MAPK4: variants seen among roughly 807,000 people sequenced by gnomAD.
MAPK4 encodes the protein Erk3-related.
Under a neutral mutation model 47.7 loss-of-function variants are expected in MAPK4, and 22 were observed. The observed-to-expected ratio is 0.46, with a 90% CI of 0.33 to 0.66. The LOEUF (loss-of-function observed/expected upper bound fraction) is 0.66. MAPK4 is among the 30% of genes least tolerant of loss of function. The pLI, the probability that MAPK4 is intolerant of heterozygous loss-of-function variation, is 0.02. For missense variants in MAPK4, 736 were observed against 831.7 expected (o/e 0.88, Z 1.42); for synonymous variants, 390 against 365.7 (o/e 1.07, Z -0.76).
chr18:50,704,829 A>G (rs1909967936), intron 2 of MAPK4: 2 of 398,608 alleles, frequency 5.0e-6, no homozygotes, highest in Non-Finnish European at 8.8e-6. Flanking sequence ...GAGCATCATG[A>G]TGACCAAATG....
chr18:50,708,579 A>C (rs1490095691), intron 2 of MAPK4, among the ~76,000 whole-genome samples: 1 of 152,160 alleles, frequency 6.6e-6, no homozygotes, highest in East Asian at 1.9e-4. Context: ...AGAGCACCCC[A>C]AAGTTTGAGA....
At chr18:50,626,352 A>G (rs2042778018) in intron 1 of MAPK4, among the ~76,000 whole-genome samples, 1 of 152,164 alleles carries the variant, frequency 6.6e-6, no homozygotes, top group African/African-American at 2.4e-5. Context: ...TGTGGACCAG[A>G]TGGTCAGAGC....
intron 1 of MAPK4, among the ~76,000 whole-genome samples, chr18:50,607,554 G>A (rs2149375495): frequency 6.6e-6 from 1 of 152,314 alleles, no homozygotes. Context: ...CTCCAGAAAA[G>A]CGCTGCTCTG....
chr18:50,579,885 G>A (rs1484324220), intron 1 of MAPK4, among the ~76,000 whole-genome samples: 1 of 152,170 alleles, frequency 6.6e-6, no homozygotes, highest in South Asian at 2.1e-4. Flanking sequence ...TGTTAGAAGG[G>A]GAGTGAGTTC....
intron 1 of MAPK4, among the ~76,000 whole-genome samples, chr18:50,620,674 G>A (rs1255557050): frequency 6.6e-6 from 1 of 152,132 alleles, no homozygotes; most frequent in East Asian, 1.9e-4. Context: ...GGAGGCCGAG[G>A]TGGGAGGATT....
chr18:50,725,256 T>C (rs1372553287), intron 4 of MAPK4, among the ~76,000 whole-genome samples: 1 of 152,212 alleles, frequency 6.6e-6, no homozygotes, highest in African/African-American at 2.4e-5. Context: ...ATCAAGGCTG[T>C]CTGCCTTTGT....
At chr18:50,675,781 C>T (rs1313976032) in intron 2 of MAPK4, among the ~76,000 whole-genome samples, 1 of 152,282 alleles carries the variant, frequency 6.6e-6, no homozygotes, top group African/African-American at 2.4e-5. Context: ...TGAGCCACCA[C>T]GCCCAGCCCA....
chr18:50,729,043 G>T (rs910861636), intron 5 of MAPK4, 115 bp from the exon 6 acceptor site: 1 of 877,350 alleles, frequency 1.1e-6, no homozygotes, highest in African/African-American at 1.7e-5. Context: ...CCACCTTGAG[G>T]GATGGGGGTC....
At chr18:50,648,281 C>T (rs151084656) in intron 1 of MAPK4, among the ~76,000 whole-genome samples, 8 of 152,060 alleles carry the variant, frequency 5.3e-5, no homozygotes, top group Non-Finnish European at 1.2e-4. Context: ...GGTGGACCTG[C>T]GTGTGTGGAG....
intron 1 of MAPK4, among the ~76,000 whole-genome samples, chr18:50,593,085 G>A (rs2042452138): frequency 6.6e-6 from 1 of 152,238 alleles, no homozygotes; most frequent in African/African-American, 2.4e-5. Context: ...CACACAGCTA[G>A]TAAGCGACAG....
At chr18:50,709,421 C>A (rs185048135) in intron 2 of MAPK4, among the ~76,000 whole-genome samples, 1 of 152,344 alleles carries the variant, frequency 6.6e-6, no homozygotes, top group African/African-American at 2.4e-5. Flanking sequence ...CCAGTGCCCA[C>A]CTGCTAGTAA....
intron 2 of MAPK4, among the ~76,000 whole-genome samples, chr18:50,683,102 T>C (rs1246965384): frequency 2.0e-5 from 3 of 151,928 alleles, no homozygotes; most frequent in Non-Finnish European, 4.4e-5. Flanking sequence ...GATGAATATT[T>C]TGAGGATGAT....
intron 2 of MAPK4, among the ~76,000 whole-genome samples, chr18:50,703,567 T>C (rs1909899165): frequency 6.6e-6 from 1 of 152,194 alleles, no homozygotes. Flanking sequence ...CAGAAGACAG[T>C]GGGCTTAACA....
intron 1 of MAPK4, among the ~76,000 whole-genome samples, chr18:50,587,255 A>T (rs2042396754): frequency 1.3e-5 from 2 of 152,192 alleles, no homozygotes. Context: ...TCGTGCCCTT[A>T]TAAGAAAGGC....
chr18:50,704,935 C>T, intron 2 of MAPK4: 1 of 396,808 alleles, frequency 2.5e-6, no homozygotes, highest in Non-Finnish European at 4.4e-6. Context: ...CTTTTGGACT[C>T]ACATTTTCTT....
intron 1 of MAPK4, among the ~76,000 whole-genome samples, chr18:50,651,640 G>A (rs549033075): frequency 5.9e-5 from 9 of 152,340 alleles, no homozygotes; most frequent in Middle Eastern, 3.4e-3. Context: ...GAGGAGGGCA[G>A]CGGACACATG....
chr18:50,675,410 G>A (rs966032930), intron 2 of MAPK4, among the ~76,000 whole-genome samples: 20 of 150,978 alleles, frequency 1.3e-4, no homozygotes, highest in Admixed American at 3.3e-4. Context: ...TCCGCCTCCC[G>A]GGTTCATGCG....
chr18:50,579,627 C>A (rs1598792237), intron 1 of MAPK4, among the ~76,000 whole-genome samples: 1 of 152,290 alleles, frequency 6.6e-6, no homozygotes, highest in East Asian at 1.9e-4. Context: ...CATAGCCCAG[C>A]CACCTGCTGG....
intron 1 of MAPK4, among the ~76,000 whole-genome samples, chr18:50,570,383 G>A (rs938482851): frequency 6.6e-6 from 1 of 152,210 alleles, no homozygotes; most frequent in African/African-American, 2.4e-5. Context: ...GCCCCATCTC[G>A]AACCTGCTTC....
Sources: allele counts gnomAD v4.1 joint callset (sites outside exome capture counted in the v4.1 genomes callset), GRCh38; gene constraint gnomAD v4.1.1; transcripts MANE v1.5; gene names NCBI Gene and HGNC (gene_info 2026-07-23, HGNC 2026-07-21).